The following CDC42SE2 variants were observed in gnomAD, a reference collection of about 807,000 sequenced individuals.
The protein encoded by CDC42SE2 is CDC42 small effector 2.
A neutral mutation model predicts 11.5 loss-of-function variants in CDC42SE2; 3 were observed. The ratio of observed to expected loss-of-function variants is 0.26; its 90% confidence interval spans 0.12 to 0.67. The LOEUF (loss-of-function observed/expected upper bound fraction) is 0.67, where lower values mean the gene tolerates loss of function less well. CDC42SE2 is among the 30% of genes least tolerant of loss of function. The pLI is 0.80. For missense variants in CDC42SE2, 82 were observed against 106.8 expected, an observed-to-expected ratio of 0.77 and a Z score of 1.02; for synonymous variants, 33 against 34.8, an observed-to-expected ratio of 0.95 and a Z score of 0.18.
At chr5:131,286,984 AT>A (rs1386590831) in intron 1 of CDC42SE2, among the ~76,000 whole-genome samples, 2 of 151,778 alleles carry the variant, frequency 1.3e-5, no homozygotes, top group Middle Eastern at 3.4e-3. Flanking sequence ...ACTGTATTTT[AT>A]TTACTATTTT....
At chr5:131,232,481 C>T in the CDC42SE2 span, among the ~76,000 whole-genome samples, 3 of 152,118 alleles carry the variant, frequency 2.0e-5, no homozygotes, top group African/African-American at 7.2e-5. Context: ...GCCTGTAATC[C>T]CAGCACTTTG....
At chr5:131,211,134 G>T in the CDC42SE2 span, among the ~76,000 whole-genome samples, 1 of 152,162 alleles carries the variant, frequency 6.6e-6, no homozygotes, top group African/African-American at 2.4e-5. Context: ...ACCGCGCCCT[G>T]CCATCTCTAT....
intron 3 of CDC42SE2, among the ~76,000 whole-genome samples, chr5:131,377,080 A>AT (rs936996767): frequency 1.3e-5 from 2 of 151,990 alleles, no homozygotes; most frequent in African/African-American, 4.8e-5. Context: ...GCTTTCCACA[A>AT]TGGCTAAACT....
At chr5:131,215,926 T>C in the CDC42SE2 span, among the ~76,000 whole-genome samples, 1 of 152,254 alleles carries the variant, frequency 6.6e-6, no homozygotes, top group East Asian at 1.9e-4. Flanking sequence ...GATATATAAA[T>C]TGCTATTGGA....
At chr5:131,300,782 C>CAAA (rs1436586334) in intron 1 of CDC42SE2, among the ~76,000 whole-genome samples, 2 of 87,418 alleles carry the variant, frequency 2.3e-5, no homozygotes, top group Admixed American at 2.3e-4. Flanking sequence ...GACTCCGTCT[C>CAAA]AAAAAAAAAA....
chr5:131,256,179 G>A (rs529805093), intron 2 of CDC42SE2, among the ~76,000 whole-genome samples: 7 of 152,300 alleles, frequency 4.6e-5, no homozygotes, highest in South Asian at 4.1e-4. Context: ...TTTTGCCCAA[G>A]TGGAAATAAC....
intron 1 of CDC42SE2, among the ~76,000 whole-genome samples, chr5:131,303,179 T>A (rs927576249): frequency 1.3e-5 from 2 of 152,190 alleles, no homozygotes; most frequent in Non-Finnish European, 2.9e-5. Flanking sequence ...ACTAATTAAG[T>A]GATTTTAAGT....
chr5:131,272,479 T>C (rs905565404), intron 1 of CDC42SE2, among the ~76,000 whole-genome samples: 2 of 152,106 alleles, frequency 1.3e-5, no homozygotes, highest in Non-Finnish European at 2.9e-5. Flanking sequence ...AATAAAACTT[T>C]TATACGTCTC....
At chr5:131,274,024 C>A (rs1757050280) in intron 1 of CDC42SE2, among the ~76,000 whole-genome samples, 1 of 152,190 alleles carries the variant, frequency 6.6e-6, no homozygotes, top group South Asian at 2.1e-4. Flanking sequence ...CCTGCCTGGG[C>A]CCCCCAAAGT....
chr5:131,353,218 T>G (rs889992009), intron 2 of CDC42SE2, among the ~76,000 whole-genome samples: 33 of 152,138 alleles, frequency 2.2e-4, no homozygotes, highest in African/African-American at 8.0e-4. Flanking sequence ...TCCTTGTGCC[T>G]CAGCATCCCA....
intron 3 of CDC42SE2, among the ~76,000 whole-genome samples, chr5:131,371,880 T>C (rs1750020722): frequency 6.6e-6 from 1 of 152,270 alleles, no homozygotes; most frequent in South Asian, 2.1e-4. Flanking sequence ...CGTTTCTTGC[T>C]ACCAAGTGTT....
intron 1 of CDC42SE2, among the ~76,000 whole-genome samples, chr5:131,249,056 T>C: frequency 6.6e-6 from 1 of 150,444 alleles, no homozygotes; most frequent in Admixed American, 6.6e-5. Flanking sequence ...CTTGCTCTGT[T>C]GCCCAGGCTG....
At chr5:131,280,365 G>C (rs1227625223) in intron 1 of CDC42SE2, among the ~76,000 whole-genome samples, 1 of 152,054 alleles carries the variant, frequency 6.6e-6, no homozygotes, top group African/African-American at 2.4e-5. Context: ...ACCTCAATAT[G>C]AATATATGTT....
At chr5:131,259,907 C>T (rs542344161), upstream of CDC42SE2, among the ~76,000 whole-genome samples, 2 of 152,196 alleles carry the variant, frequency 1.3e-5, no homozygotes, top group Non-Finnish European at 2.9e-5. Flanking sequence ...AATGTTAGTG[C>T]CCCTTTAAAA....
At chr5:131,279,983 C>T (rs1757204819) in intron 1 of CDC42SE2, among the ~76,000 whole-genome samples, 1 of 152,140 alleles carries the variant, frequency 6.6e-6, no homozygotes, top group Non-Finnish European at 1.5e-5. Context: ...TGGGAGGTTG[C>T]TTGAGCCTAG....
intron 1 of CDC42SE2, among the ~76,000 whole-genome samples, chr5:131,284,470 T>C (rs888272423): frequency 1.3e-5 from 2 of 152,130 alleles, no homozygotes; most frequent in Non-Finnish European, 2.9e-5. Context: ...GGGGGATGGT[T>C]ATTAATTTCT....
intron 2 of CDC42SE2, among the ~76,000 whole-genome samples, chr5:131,340,687 C>CT (rs34401592): frequency 3.8e-4 from 55 of 146,642 alleles, no homozygotes; most frequent in Middle Eastern, 3.4e-3. Flanking sequence ...GTTTGAGTAT[C>CT]TTTTTTTTTT....
intron 1 of CDC42SE2, among the ~76,000 whole-genome samples, chr5:131,293,835 C>A (rs1757513830): frequency 6.6e-6 from 1 of 152,070 alleles, no homozygotes; most frequent in Non-Finnish European, 1.5e-5. Flanking sequence ...ACTTTTAGGC[C>A]CTGGTGTGCC....
intron 2 of CDC42SE2, among the ~76,000 whole-genome samples, chr5:131,336,468 G>T (rs533075663): frequency 7.4e-4 from 113 of 152,220 alleles, no homozygotes; most frequent in South Asian, 6.4e-3. Flanking sequence ...CTCTTCTCGA[G>T]GAGTATCTTT....
Sources: allele counts gnomAD v4.1 joint callset (sites outside exome capture counted in the v4.1 genomes callset), GRCh38; gene constraint gnomAD v4.1.1; transcripts MANE v1.5; gene names NCBI Gene and HGNC (gene_info 2026-07-23, HGNC 2026-07-21).